SLC25A48: variants seen among roughly 807,000 people sequenced by gnomAD.
SLC25A48 encodes solute carrier family 25 member 48, also known as CTC-321K16.1.
SLC25A48 carries 29 observed loss-of-function variants against 32.2 expected under a neutral mutation model. That is an observed-to-expected ratio of 0.90 (90% CI 0.67 to 1.23). The LOEUF (loss-of-function observed/expected upper bound fraction) is 1.23. Ranked by LOEUF, SLC25A48 falls within the 50% of genes most tolerant of loss-of-function variation. The probability of loss-of-function intolerance (pLI) is 0.00; values close to 1 mark genes in which losing one functional copy is unlikely to be tolerated. For synonymous variants in SLC25A48, 164 were observed against 172.3 expected (o/e 0.95, Z 0.38); for missense variants, 399 against 422.7 (o/e 0.94, Z 0.49).
At chr5:135,880,899 T>C (rs1166088492) in intron 7 of SLC25A48, among the ~76,000 whole-genome samples, 2 of 152,144 alleles carry the variant, frequency 1.3e-5, no homozygotes, top group Non-Finnish European at 2.9e-5. Context: ...CCGGCTTGCT[T>C]TCTCAGCTAG....
chr5:135,613,520 G>A (rs1006839966), intron 1 of SLC25A48, among the ~76,000 whole-genome samples: 1 of 152,042 alleles, frequency 6.6e-6, no homozygotes, highest in Non-Finnish European at 1.5e-5. Flanking sequence ...GTCCTGAAGT[G>A]TTTTCCCTAT....
At chr5:135,797,123 G>A (rs1209074486) in intron 3 of SLC25A48, among the ~76,000 whole-genome samples, 1 of 151,676 alleles carries the variant, frequency 6.6e-6, no homozygotes, top group Non-Finnish European at 1.5e-5. Flanking sequence ...AATCACAGGG[G>A]TATGCACCAT....
chr5:135,665,995 C>G (rs1753516944), intron 3 of SLC25A48, among the ~76,000 whole-genome samples: 1 of 152,108 alleles, frequency 6.6e-6, no homozygotes, highest in African/African-American at 2.4e-5. Flanking sequence ...TGCCTTAAAC[C>G]CACTGTGAGC....
intron 3 of SLC25A48, among the ~76,000 whole-genome samples, chr5:135,748,814 G>A (rs190575379): frequency 3.8e-4 from 57 of 151,330 alleles, no homozygotes; most frequent in Admixed American, 1.4e-3. Flanking sequence ...CGCCTCCCAG[G>A]TTCAAGCGAT....
intron 3 of SLC25A48, among the ~76,000 whole-genome samples, chr5:135,677,242 A>C (rs895514846): frequency 1.3e-5 from 2 of 152,092 alleles, no homozygotes; most frequent in African/African-American, 2.4e-5. Context: ...TTTATCAGAC[A>C]TAAGTAAAGC....
intron 3 of SLC25A48, among the ~76,000 whole-genome samples, chr5:135,715,367 A>G (rs760698278): frequency 6.6e-6 from 1 of 152,200 alleles, no homozygotes; most frequent in Non-Finnish European, 1.5e-5. Flanking sequence ...GGTTTGACCC[A>G]GTGGCCCCAG....
intron 4 of SLC25A48, among the ~76,000 whole-genome samples, chr5:135,818,780 T>A (rs977650083): frequency 6.6e-6 from 1 of 152,170 alleles, no homozygotes; most frequent in South Asian, 2.1e-4. Flanking sequence ...GTTGGAATTA[T>A]CATCAAAGAC....
intron 3 of SLC25A48, among the ~76,000 whole-genome samples, chr5:135,740,089 C>T (rs567333605): frequency 7.9e-5 from 12 of 152,192 alleles, no homozygotes. Flanking sequence ...GTGAGCCCAC[C>T]AGGTCAATAT....
intron 3 of SLC25A48, among the ~76,000 whole-genome samples, chr5:135,661,990 A>G (rs1753410212): frequency 1.3e-5 from 2 of 152,160 alleles, no homozygotes; most frequent in African/African-American, 4.8e-5. Context: ...CAAAATGCAT[A>G]TTCATTTTTG....
intron 3 of SLC25A48, among the ~76,000 whole-genome samples, chr5:135,698,121 C>T (rs1185483270): frequency 2.0e-5 from 3 of 152,234 alleles, no homozygotes; most frequent in African/African-American, 7.2e-5. Context: ...GTTGTCAGTG[C>T]AGGGAGGCCT....
At chr5:135,589,156 T>C (rs995529508) in intron 1 of SLC25A48, among the ~76,000 whole-genome samples, 10 of 152,222 alleles carry the variant, frequency 6.6e-5, no homozygotes, top group African/African-American at 2.4e-4. Context: ...AAACGCTGTA[T>C]AATCCCCACT....
At chr5:135,762,909 T>C (rs76182446) in intron 3 of SLC25A48, among the ~76,000 whole-genome samples, 10 of 152,074 alleles carry the variant, frequency 6.6e-5, no homozygotes, top group Non-Finnish European at 1.5e-4. Flanking sequence ...TGAATGTGTG[T>C]TTGTGTGGCT....
chr5:135,662,836 C>T (rs894153462), intron 3 of SLC25A48, among the ~76,000 whole-genome samples: 1 of 152,128 alleles, frequency 6.6e-6, no homozygotes, highest in Non-Finnish European at 1.5e-5. Flanking sequence ...CTCCAATTCC[C>T]CCTCTATACA....
rs150190831 is a variant in SLC25A48 at position 135,850,084 on chromosome 5, A to T, written c.91-341A>T. On this transcript the variant is annotated intron_variant, in intron 2 of 7. Coordinates refer to ENST00000681962, the MANE Select transcript of SLC25A48 (RefSeq NM_001349336.2). ...GGACAAGAAGAGCAGGTGTCCCCCA[A>T]ATATATTTTGGAGGGTGGAGCGACA... Among the ~76,000 whole-genome samples, 74 of 152,256 alleles carry T rather than the reference A, an allele frequency of 4.9e-4. No homozygotes were observed. The East Asian group carries it at 0.013, about 27-fold the overall frequency.
intron 1 of SLC25A48, among the ~76,000 whole-genome samples, chr5:135,839,139 C>T (rs1038477219): frequency 6.6e-6 from 1 of 152,168 alleles, no homozygotes; most frequent in Non-Finnish European, 1.5e-5. Context: ...TGATGGTGAC[C>T]TCTCAGAGCA....
At chr5:135,605,175 AT>A (rs1388475139) in intron 1 of SLC25A48, among the ~76,000 whole-genome samples, 2 of 152,198 alleles carry the variant, frequency 1.3e-5, no homozygotes, top group African/African-American at 2.4e-5. Context: ...GATAATTTTT[AT>A]TTATTTATAA....
At chr5:135,800,674 C>T (rs1227901350) in intron 3 of SLC25A48, among the ~76,000 whole-genome samples, 1 of 151,738 alleles carries the variant, frequency 6.6e-6, no homozygotes, top group African/African-American at 2.4e-5. Context: ...TCGTAAACAC[C>T]TTGAGTGTAC....
chr5:135,817,704 A>G (rs1757761630), intron 4 of SLC25A48, among the ~76,000 whole-genome samples: 1 of 152,266 alleles, frequency 6.6e-6, no homozygotes, highest in Non-Finnish European at 1.5e-5. Context: ...TCCTAGAAAG[A>G]CTTTGTTAAT....
chr5:135,779,136 CGT>C (rs142895369), intron 3 of SLC25A48, among the ~76,000 whole-genome samples: 1,753 of 151,334 alleles, frequency 0.012, 32 homozygotes, highest in African/African-American at 0.04. Flanking sequence ...TTGCTGGAAG[CGT>C]ACACCCACCC....
Sources: allele counts gnomAD v4.1 joint callset (sites outside exome capture counted in the v4.1 genomes callset), GRCh38; gene constraint gnomAD v4.1.1; transcripts MANE v1.5; gene names NCBI Gene and HGNC (gene_info 2026-07-23, HGNC 2026-07-21).